The following GDA variants were observed in gnomAD, a reference collection of about 807,000 sequenced individuals.
GDA encodes guanine deaminase, also known as cytoplasmic PSD-95 interactor.
Under a neutral mutation model 59.6 loss-of-function variants are expected in GDA, and 18 were observed. That is an observed-to-expected ratio of 0.30 (90% confidence interval 0.21 to 0.45). The LOEUF is 0.45. Ranked by LOEUF, GDA falls within the 20% of genes least tolerant of loss-of-function variation. The pLI, the probability that GDA is intolerant of heterozygous loss-of-function variation, is 1.00. For missense variants in GDA, 427 were observed against 552.3 expected (o/e 0.77, Z 2.27); for synonymous variants, 201 against 201.1 (o/e 1.00, Z 0.00).
At chr9:72,220,324 G>A (rs1173512072) in intron 6 of GDA, among the ~76,000 whole-genome samples, 2 of 152,116 alleles carry the variant, frequency 1.3e-5, no homozygotes, top group Non-Finnish European at 2.9e-5. Context: ...AATACATTTT[G>A]AAATAATGAA....
chr9:72,192,753 G>A (rs1832709508), intron 1 of GDA, among the ~76,000 whole-genome samples: 1 of 151,518 alleles, frequency 6.6e-6, no homozygotes, highest in South Asian at 2.1e-4. Context: ...GGTGGTGCAG[G>A]CTTGTTATCT....
chr9:72,128,550 A>G (rs1230068224), intron 1 of GDA, among the ~76,000 whole-genome samples: 1 of 152,188 alleles, frequency 6.6e-6, no homozygotes, highest in East Asian at 1.9e-4. Flanking sequence ...TTCACTTCCC[A>G]ATGTTGATAT....
chr9:72,147,188 G>A (rs1826670619), upstream of GDA, among the ~76,000 whole-genome samples: 1 of 152,032 alleles, frequency 6.6e-6, no homozygotes, highest in African/African-American at 2.4e-5. Flanking sequence ...TCGTAGCATA[G>A]AAGCTGTTTT....
At chr9:72,130,258 G>A (rs998006602) in intron 1 of GDA, among the ~76,000 whole-genome samples, 3 of 152,124 alleles carry the variant, frequency 2.0e-5, no homozygotes, top group African/African-American at 7.2e-5. Context: ...TAAAAAGTGG[G>A]CCTCTGTTCC....
chr9:72,205,755 T>G (rs1174479870), intron 3 of GDA, among the ~76,000 whole-genome samples: 1 of 152,178 alleles, frequency 6.6e-6, no homozygotes, highest in African/African-American at 2.4e-5. Flanking sequence ...ATAAACTAAG[T>G]TAGGTTGCAG....
intron 1 of GDA, among the ~76,000 whole-genome samples, chr9:72,170,561 C>G (rs1829839007): frequency 6.6e-6 from 1 of 152,212 alleles, no homozygotes; most frequent in Non-Finnish European, 1.5e-5. Context: ...GTGGGCCTGT[C>G]TCCCTCATTC....
At chr9:72,131,318 C>A (rs1826016650) in intron 1 of GDA, among the ~76,000 whole-genome samples, 2 of 152,186 alleles carry the variant, frequency 1.3e-5, no homozygotes, top group African/African-American at 4.8e-5. Context: ...AAGGGCACAT[C>A]TGTGTTGACG....
intron 1 of GDA, among the ~76,000 whole-genome samples, chr9:72,181,686 A>G (rs1831242854): frequency 6.6e-6 from 1 of 151,654 alleles, no homozygotes; most frequent in African/African-American, 2.4e-5. Context: ...GTCACCTGGG[A>G]TGGAGCACAG....
chr9:72,241,939 C>T (rs536258900), intron 11 of GDA, among the ~76,000 whole-genome samples: 2 of 152,276 alleles, frequency 1.3e-5, no homozygotes, highest in South Asian at 2.1e-4. Context: ...AGTCAAGTAA[C>T]TTGCTCTCCA....
At position 72,248,405 on chromosome 9, in the gene GDA, A is replaced by T; in HGVS notation, c.*63A>T. On this transcript the variant is annotated 3_prime_UTR_variant, in exon 14 of 14. Coordinates refer to ENST00000358399, the MANE Select transcript of GDA (RefSeq NM_004293.5). ...GTGGTTCTGCATCTCCCTTGTGCCC[A>T]GGTGGAGTTAGAAAGTCAAAAAATA... The T allele has an allele frequency of 2.5e-6, 4 of 1,607,494 alleles. No individual in the cohort carries two copies. Among genetic ancestry groups the T allele is most frequent in the Non-Finnish European group, 3.4e-6 (4 of 1,177,622 alleles).
At chr9:72,125,321 TCCC>T (rs1825807875) in intron 1 of GDA, among the ~76,000 whole-genome samples, 2 of 147,004 alleles carry the variant, frequency 1.4e-5, no homozygotes, top group South Asian at 2.2e-4. Flanking sequence ...CTTCCTTTAC[TCCC>T]TCCCTCCCTC....
intron 9 of GDA, among the ~76,000 whole-genome samples, chr9:72,230,114 T>C (rs1016409575): frequency 6.6e-6 from 1 of 152,212 alleles, no homozygotes; most frequent in African/African-American, 2.4e-5. Flanking sequence ...AAATTAGAGT[T>C]ATGTGCATCT....
intron 1 of GDA, among the ~76,000 whole-genome samples, chr9:72,177,810 T>C (rs554636974): frequency 4.6e-5 from 7 of 152,366 alleles, no homozygotes; most frequent in African/African-American, 1.7e-4. Flanking sequence ...TCCTTGGAGA[T>C]ACCTTTAATC....
intron 1 of GDA, among the ~76,000 whole-genome samples, chr9:72,181,645 C>CT (rs986756088): frequency 6.6e-6 from 1 of 151,854 alleles, no homozygotes; most frequent in Non-Finnish European, 1.5e-5. Flanking sequence ...TTTTCACTTT[C>CT]TTTTTTTTCT....
Position 72,251,005 on chromosome 9 carries a change from G to A in GDA, c.*2663G>A, listed in dbSNP as rs1840623302. The A allele has an allele frequency of 3.4e-6, 2 of 586,908 alleles. No homozygotes were observed. The highest frequency in any genetic ancestry group is 6.1e-5 in the Admixed American group (2 of 32,774). 36.4% of individuals were successfully genotyped at this position (586,908 alleles called of 1,614,324 possible). A position where few individuals can be genotyped will look rare whatever the true frequency, so the allele number is the denominator to read the frequency against. Reference sequence around the variant, plus strand: ...TGAAAGGTTGTCCTAAACAGACCAAGGAGACTGTTCCCTAATTTATTCTCT... The same window carrying A: ...TGAAAGGTTGTCCTAAACAGACCAAAGAGACTGTTCCCTAATTTATTCTCT... On this transcript the variant is annotated 3_prime_UTR_variant, in exon 14 of 14. Transcript: ENST00000358399.
intron 1 of GDA, among the ~76,000 whole-genome samples, chr9:72,185,546 AT>A (rs1362953640): frequency 6.6e-6 from 1 of 152,112 alleles, no homozygotes; most frequent in Admixed American, 6.6e-5. Flanking sequence ...TAATACGGCA[AT>A]TTTTGTCTCT....
chr9:72,148,377 A>G (rs1409900853), upstream of GDA, among the ~76,000 whole-genome samples: 2 of 151,522 alleles, frequency 1.3e-5, no homozygotes, highest in African/African-American at 4.9e-5. Flanking sequence ...AACAGGAGTA[A>G]ACTAAAAAAC....
At chr9:72,212,552 G>A (rs937158690) in intron 4 of GDA, among the ~76,000 whole-genome samples, 4 of 151,790 alleles carry the variant, frequency 2.6e-5, no homozygotes, top group Admixed American at 6.6e-5. Flanking sequence ...ATATATTATT[G>A]CATGTATTCC....
At chr9:72,178,124 C>G (rs976036506) in intron 1 of GDA, among the ~76,000 whole-genome samples, 1 of 152,208 alleles carries the variant, frequency 6.6e-6, no homozygotes, top group East Asian at 1.9e-4. Flanking sequence ...ATAATAGATG[C>G]ACAGTGACTA....
Sources: gnomAD v4.1 joint callset for allele counts (sites outside exome capture counted in the v4.1 genomes callset) on GRCh38, gnomAD v4.1.1 for gene constraint, MANE v1.5 for transcripts, NCBI Gene and HGNC (gene_info 2026-07-23, HGNC 2026-07-21) for gene names.